Variants in AGBL4 observed in about 807,000 individuals in gnomAD.
AGBL4 encodes cytosolic carboxypeptidase 6.
In AGBL4, 58 loss-of-function variants were observed where a neutral mutation model predicts 66.4. The ratio of observed to expected loss-of-function variants is 0.87; its 90% confidence interval spans 0.71 to 1.09. AGBL4 has a LOEUF of 1.09. AGBL4 is among the 50% of genes least tolerant of loss of function. The probability of loss-of-function intolerance (pLI) is 0.00; values close to 1 mark genes in which losing one functional copy is unlikely to be tolerated. For missense variants in AGBL4, 579 were observed against 631.0 expected (o/e 0.92, Z 0.88); for synonymous variants, 234 against 222.9 (o/e 1.05, Z -0.44).
At chr1:49,714,910 T>C (rs1312109337) in intron 2 of AGBL4, among the ~76,000 whole-genome samples, 4 of 152,034 alleles carry the variant, frequency 2.6e-5, no homozygotes, top group East Asian at 3.9e-4. Context: ...ATAACCATTC[T>C]CTTTTCTATG....
intron 3 of AGBL4, among the ~76,000 whole-genome samples, chr1:49,514,545 T>C (rs1247186770): frequency 2.0e-5 from 3 of 151,940 alleles, no homozygotes; most frequent in African/African-American, 4.8e-5. Flanking sequence ...ACTTTAAAGT[T>C]CATATGGAAC....
At chr1:49,135,184 G>A (rs1200968368) in intron 4 of AGBL4, among the ~76,000 whole-genome samples, 2 of 151,902 alleles carry the variant, frequency 1.3e-5, no homozygotes, top group African/African-American at 2.4e-5. Flanking sequence ...TACAATATAT[G>A]TATATGATGA....
intron 9 of AGBL4, among the ~76,000 whole-genome samples, chr1:48,601,736 A>C (rs1290924100): frequency 6.6e-6 from 1 of 152,192 alleles, no homozygotes; most frequent in Non-Finnish European, 1.5e-5. Context: ...CTGGCTTATC[A>C]AGATCTCACA....
chr1:49,143,119 A>C (rs528327920), intron 4 of AGBL4, among the ~76,000 whole-genome samples: 1 of 152,052 alleles, frequency 6.6e-6, no homozygotes, highest in Admixed American at 6.6e-5. Flanking sequence ...TCTGTGATAC[A>C]TGCCTACTCC....
At chr1:49,004,881 G>A (rs1267852667) in intron 5 of AGBL4, among the ~76,000 whole-genome samples, 1 of 152,228 alleles carries the variant, frequency 6.6e-6, no homozygotes, top group Non-Finnish European at 1.5e-5. Context: ...ATAGTGAGCA[G>A]TTTGGGATGG....
At chr1:48,750,690 T>A (rs541114210) in intron 6 of AGBL4, among the ~76,000 whole-genome samples, 1 of 152,212 alleles carries the variant, frequency 6.6e-6, no homozygotes, top group African/African-American at 2.4e-5. Flanking sequence ...CACAAAAACA[T>A]TTCCCTACGG....
chr1:48,796,751 A>G (rs1284544007), intron 6 of AGBL4, among the ~76,000 whole-genome samples: 1 of 152,216 alleles, frequency 6.6e-6, no homozygotes, highest in Non-Finnish European at 1.5e-5. Context: ...TCAGCTCTGT[A>G]ACCATAGACA....
intron 3 of AGBL4, among the ~76,000 whole-genome samples, chr1:49,514,644 A>T (rs1649603609): frequency 6.6e-6 from 1 of 152,118 alleles, no homozygotes; most frequent in South Asian, 2.1e-4. Flanking sequence ...CTATACTACA[A>T]GGCTACGGTA....
intron 3 of AGBL4, among the ~76,000 whole-genome samples, chr1:49,668,075 T>C (rs1646404136): frequency 6.6e-6 from 1 of 152,204 alleles, no homozygotes; most frequent in Non-Finnish European, 1.5e-5. Context: ...GTGGTTATTA[T>C]CTATTAGTTT....
At chr1:48,538,046 A>C (rs1644002347) in intron 12 of AGBL4, among the ~76,000 whole-genome samples, 1 of 152,144 alleles carries the variant, frequency 6.6e-6, no homozygotes, top group Non-Finnish European at 1.5e-5. Context: ...CAAGAAATAG[A>C]CGTGATTCTC....
intron 1 of AGBL4, among the ~76,000 whole-genome samples, chr1:49,886,779 T>C (rs1648079621): frequency 6.6e-6 from 1 of 152,156 alleles, no homozygotes; most frequent in African/African-American, 2.4e-5. Flanking sequence ...TATGTAATCT[T>C]GTCAAGCTCT....
chr1:49,947,208 C>T (rs1364183715), intron 1 of AGBL4, among the ~76,000 whole-genome samples: 1 of 151,832 alleles, frequency 6.6e-6, no homozygotes, highest in Non-Finnish European at 1.5e-5. Flanking sequence ...GCCAATATCA[C>T]CCAAATACCA....
At chr1:49,603,929 T>TATACAC in intron 3 of AGBL4, among the ~76,000 whole-genome samples, 1 of 140,630 alleles carries the variant, frequency 7.1e-6, no homozygotes, top group East Asian at 2.2e-4. Context: ...TTCCATGGTA[T>TATACAC]ACACACACAC....
chr1:49,151,096 G>A (rs1463782674), intron 4 of AGBL4, among the ~76,000 whole-genome samples: 5 of 151,718 alleles, frequency 3.3e-5, no homozygotes, highest in South Asian at 4.2e-4. Flanking sequence ...GTGAAACCTC[G>A]TCTCTACTAA....
chr1:49,396,836 A>G (rs946927370), intron 3 of AGBL4, among the ~76,000 whole-genome samples: 1 of 152,268 alleles, frequency 6.6e-6, no homozygotes, highest in East Asian at 1.9e-4. Flanking sequence ...TTCAATAAAT[A>G]GTTGCTGAAT....
At chr1:49,623,350 G>C (rs1268172818) in intron 3 of AGBL4, among the ~76,000 whole-genome samples, 1 of 152,100 alleles carries the variant, frequency 6.6e-6, no homozygotes, top group Non-Finnish European at 1.5e-5. Flanking sequence ...TACAAACACT[G>C]AGATTCCTTG....
At chr1:49,264,814 G>T (rs1653565682) in intron 3 of AGBL4, among the ~76,000 whole-genome samples, 1 of 152,134 alleles carries the variant, frequency 6.6e-6, no homozygotes, top group Non-Finnish European at 1.5e-5. Flanking sequence ...CAAAGTGCTG[G>T]GATTATAGGC....
intron 3 of AGBL4, among the ~76,000 whole-genome samples, chr1:49,261,039 C>T (rs1313013023): frequency 6.6e-6 from 1 of 151,892 alleles, no homozygotes; most frequent in Non-Finnish European, 1.5e-5. Flanking sequence ...AGCATATAAA[C>T]AAAACCAAAG....
intron 3 of AGBL4, among the ~76,000 whole-genome samples, chr1:49,586,873 C>T (rs1046828251): frequency 6.6e-6 from 1 of 152,114 alleles, no homozygotes; most frequent in Non-Finnish European, 1.5e-5. Context: ...CAGAGTGTCC[C>T]TCACCTCTGT....
Sources: allele counts gnomAD v4.1 joint callset (sites outside exome capture counted in the v4.1 genomes callset), GRCh38; gene constraint gnomAD v4.1.1; transcripts MANE v1.5; gene names NCBI Gene and HGNC (gene_info 2026-07-23, HGNC 2026-07-21).